The following RB1 variants were observed in gnomAD, a reference collection of about 807,000 sequenced individuals.
RB1 encodes the protein RB transcriptional corepressor 1.
In RB1, 18 loss-of-function variants were observed where a neutral mutation model predicts 135.4. That is an observed-to-expected ratio of 0.13 (90% CI 0.09 to 0.20). The LOEUF (loss-of-function observed/expected upper bound fraction) is 0.20. RB1 is among the 10% of genes least tolerant of loss of function. The pLI, the probability that RB1 is intolerant of heterozygous loss-of-function variation, is 1.00. For synonymous variants in RB1, 365 were observed against 373.2 expected (o/e 0.98, Z 0.25); for missense variants, 868 against 1,110.0 (o/e 0.78, Z 3.10).
At chr13:48,367,044 C>G (rs4151500) in intron 9 of RB1, among the ~76,000 whole-genome samples, 2 of 133,406 alleles carry the variant, frequency 1.5e-5, no homozygotes, top group Non-Finnish European at 3.1e-5. Context: ...GCTTGAACCC[C>G]GGGGGCAGAG....
intron 17 of RB1, among the ~76,000 whole-genome samples, chr13:48,381,662 A>G (rs1419405286): frequency 3.3e-5 from 5 of 152,200 alleles, no homozygotes; most frequent in Admixed American, 1.3e-4. Flanking sequence ...TTATTTAAGA[A>G]TAGCTTTTCT....
At chr13:48,423,688 AAG>A (rs1949040627) in intron 17 of RB1, among the ~76,000 whole-genome samples, 1 of 152,222 alleles carries the variant, frequency 6.6e-6, no homozygotes, top group South Asian at 2.1e-4. Context: ...AAAAAGAAAA[AAG>A]AAAAAAATCA....
chr13:48,417,643 G>A (rs1948935928), intron 17 of RB1, among the ~76,000 whole-genome samples: 1 of 152,042 alleles, frequency 6.6e-6, no homozygotes, highest in South Asian at 2.1e-4. Flanking sequence ...CTTGAAAAAA[G>A]GTTAGAGGAA....
intron 17 of RB1, among the ~76,000 whole-genome samples, chr13:48,395,855 A>G (rs1948643866): frequency 6.6e-6 from 1 of 152,182 alleles, no homozygotes; most frequent in Non-Finnish European, 1.5e-5. Context: ...AAACAGGCCA[A>G]CATTCAAATT....
At chr13:48,350,978 T>A (rs1266370874) in intron 6 of RB1, among the ~76,000 whole-genome samples, 1 of 152,208 alleles carries the variant, frequency 6.6e-6, no homozygotes, top group Non-Finnish European at 1.5e-5. Context: ...ATCCATTCTG[T>A]CATTGATGAG....
chr13:48,318,400 C>T, intron 2 of RB1: 1 of 1,499,686 alleles, frequency 6.7e-7, no homozygotes, highest in Non-Finnish European at 9.1e-7. Context: ...TCCTTGATGG[C>T]CGTGTCCAGG....
At chr13:48,393,094 T>G (rs2854363) in intron 17 of RB1, among the ~76,000 whole-genome samples, 136,134 of 152,076 alleles carry the variant, frequency 0.9, 62,265 homozygotes, top group East Asian at 1. Context: ...TCTGGCTAGT[T>G]GAAAGCAGAA....
intron 17 of RB1, among the ~76,000 whole-genome samples, chr13:48,419,869 C>G (rs198624): frequency 0.78 from 118,976 of 152,062 alleles, 52,249 homozygotes; most frequent in Non-Finnish European, 0.97. Context: ...AGACCAATAA[C>G]AAGTTCTGAA....
intron 17 of RB1, among the ~76,000 whole-genome samples, chr13:48,396,539 A>G (rs1046672415): frequency 1.3e-5 from 2 of 152,248 alleles, no homozygotes; most frequent in Non-Finnish European, 2.9e-5. Context: ...AAAACCATAA[A>G]AACCCTAGAA....
At chr13:48,373,842 T>C (rs1952790779) in intron 12 of RB1, among the ~76,000 whole-genome samples, 1 of 152,100 alleles carries the variant, frequency 6.6e-6, no homozygotes, top group African/African-American at 2.4e-5. Flanking sequence ...TTTTATTTTG[T>C]TTTTTGATCT....
chr13:48,341,825 A>G (rs762712184), intron 2 of RB1, among the ~76,000 whole-genome samples: 1 of 152,016 alleles, frequency 6.6e-6, no homozygotes, highest in Non-Finnish European at 1.5e-5. Flanking sequence ...ATCTCCAGTT[A>G]AGAGTAAGTA....
At chr13:48,458,001 C>T (rs1327632810) in intron 19 of RB1, among the ~76,000 whole-genome samples, 1 of 152,062 alleles carries the variant, frequency 6.6e-6, no homozygotes, top group East Asian at 1.9e-4. Context: ...GGGACTCCTA[C>T]CTGCTCCCCA....
intron 17 of RB1, among the ~76,000 whole-genome samples, chr13:48,419,821 T>G (rs1418999087): frequency 6.6e-6 from 1 of 152,100 alleles, no homozygotes; most frequent in Non-Finnish European, 1.5e-5. Context: ...ACATACACCC[T>G]CCCAAGAGTA....
intron 19 of RB1, among the ~76,000 whole-genome samples, chr13:48,456,996 A>G (rs1949364730): frequency 6.6e-6 from 1 of 152,148 alleles, no homozygotes; most frequent in Non-Finnish European, 1.5e-5. Flanking sequence ...TTTACCCACA[A>G]CATGGCGAGC....
Position 48,319,120 on chromosome 13 carries a change from C to T in RB1, c.264+11714C>T. On this transcript the variant is annotated intron_variant, in intron 2 of 26. Transcript: ENST00000267163. The surrounding 1 kb of genome is among the most constrained non-coding windows in gnomAD (Gnocchi z 5.0). The stretch of plus-strand genomic sequence containing the variant: ...TCCTGGAAGCCGGGCTCGCTGGAGG[C>T]GGAGCTTTGGTTTCCTTCGGGAGCT... The T allele has an allele frequency of 3.3e-6, 2 of 607,260 alleles. No homozygotes were observed. The highest frequency in any genetic ancestry group is 2.2e-5 in the Admixed American group (1 of 46,390). The allele number at this position is 607,260 out of a possible 1,614,324, so 37.6% of individuals were successfully genotyped here.
chr13:48,335,599 A>G (rs776928548), intron 2 of RB1, among the ~76,000 whole-genome samples: 5 of 149,158 alleles, frequency 3.4e-5, no homozygotes, highest in Non-Finnish European at 7.4e-5. Context: ...TGTTGAAAGT[A>G]CCTTTTTTTT....
At chr13:48,464,958 CTTTTTT>C (rs553094345) in intron 21 of RB1, 34 bp from the exon 22 acceptor site, 539 of 832,388 alleles carry the variant, frequency 6.5e-4, no homozygotes, top group African/African-American at 1.4e-3. Flanking sequence ...GTAAATTTTA[CTTTTTT>C]TTTTTTTTTT....
chr13:48,459,853 C>G lies in RB1; in HGVS notation c.2106+20C>G, dbSNP rs1593534850. ...GACCAAGTAAGAAAATCAAGCACTT[C>G]ACCTTCTCTCCTCCCTACTTACTTG... On this transcript the variant is annotated intron_variant, in intron 20 of 26. Coordinates refer to ENST00000267163, the MANE Select transcript of RB1 (RefSeq NM_000321.3). 1 of 1,594,344 alleles carries G rather than the reference C, an allele frequency of 6.3e-7. No homozygotes were observed. The highest frequency in any genetic ancestry group is 1.1e-5 in the South Asian group (1 of 90,302).
At chr13:48,472,216 G>A (rs1390758307) in intron 23 of RB1, among the ~76,000 whole-genome samples, 1 of 152,018 alleles carries the variant, frequency 6.6e-6, no homozygotes, top group African/African-American at 2.4e-5. Flanking sequence ...CAAGAAAAGG[G>A]GGCATATGTT....
Sources: gnomAD v4.1 joint callset for allele counts (sites outside exome capture counted in the v4.1 genomes callset) on GRCh38, gnomAD v4.1.1 for gene constraint, Gnocchi (gnomAD v3.1) non-coding constraint, MANE v1.5 for transcripts, NCBI Gene and HGNC (gene_info 2026-07-23, HGNC 2026-07-21) for gene names.